The following ZNF518B variants were observed in gnomAD, a reference collection of about 807,000 sequenced individuals.
ZNF518B encodes zinc finger protein 518B.
In ZNF518B, 23 loss-of-function variants were observed where a neutral mutation model predicts 56.3. The observed-to-expected ratio is 0.41, with a 90% CI of 0.29 to 0.58. The LOEUF is 0.58. Ranked by LOEUF, ZNF518B falls within the 20% of genes least tolerant of loss-of-function variation. The pLI, the probability that ZNF518B is intolerant of heterozygous loss-of-function variation, is 0.32. For missense variants in ZNF518B, 1,460 were observed against 1,272.1 expected, an observed-to-expected ratio of 1.15 and a Z score of -2.25; for synonymous variants, 529 against 465.9, an observed-to-expected ratio of 1.14 and a Z score of -1.74.
chr4:10,442,196 C>A lies in ZNF518B; in HGVS notation c.*908G>T, dbSNP rs1714712381. 1 of 152,186 alleles carries A rather than the reference C, an allele frequency of 6.6e-6. No homozygotes were observed. The highest frequency in any genetic ancestry group is 2.1e-4 in the South Asian group (1 of 4,816). 9.4% of individuals were successfully genotyped at this position (152,186 alleles called of 1,614,324 possible). On this transcript the variant is annotated 3_prime_UTR_variant, in exon 3 of 3. Transcript: ENST00000326756. The stretch of plus-strand genomic sequence containing the variant: ...AATGAAAACTAAAGGGCATATGAAA[C>A]CCTTTTCACAACTTTATGAGCCTAC...
upstream of ZNF518B, among the ~76,000 whole-genome samples, chr4:10,459,651 G>A (rs929879438): frequency 6.6e-6 from 1 of 152,142 alleles, no homozygotes; most frequent in Non-Finnish European, 1.5e-5. Context: ...GTGAAGAGAC[G>A]CAGAGAAGAA....
rs1231609530 is a variant in ZNF518B, at chr4:10,446,379, T to C, written c.-51A>G. 19 of 1,545,294 alleles carry C rather than the reference T, an allele frequency of 1.2e-5. No homozygotes were observed. Among genetic ancestry groups the C allele is most frequent in the Non-Finnish European group, 1.6e-5 (18 of 1,129,558 alleles). On this transcript the variant is annotated 5_prime_UTR_variant, in exon 3 of 3. The change abolishes an upstream ATG in the 5' untranslated region. Transcript: ENST00000326756. ...AACTAAAATTCAGAAAGTTTTCACA[T>C]GATAAAATCCTTAGGAGATATCCTT...
At chr4:10,449,176 G>C (rs1054113565) in intron 2 of ZNF518B, among the ~76,000 whole-genome samples, 9 of 152,192 alleles carry the variant, frequency 5.9e-5, no homozygotes, top group African/African-American at 2.2e-4. Flanking sequence ...GTGATAAGGG[G>C]GATCTGGTCC....
rs747635761 is a variant in ZNF518B, at chr4:10,443,926, A to C, written c.2403T>G (p.Pro801=). ...GTTTTATTAACTGTCTTTCACTGCA[A>C]GGTATGCTGACAGGTGCTTCACATG... ...EATCEAPVSI[P]CSERQLIKPV... The change falls in exon 3 of 3, where the codon CCT becomes CCG. Residue 801 remains proline, a synonymous_variant. Transcript: ENST00000326756. 4 of 1,614,208 alleles carry C rather than the reference A, an allele frequency of 2.5e-6. No homozygotes were observed. The highest frequency in any genetic ancestry group is 1.7e-5 in the Admixed American group (1 of 60,024).
chr4:10,442,954 C>CA lies in ZNF518B; in HGVS notation c.*149dup. 1 of 699,998 alleles carries CA rather than the reference C, an allele frequency of 1.4e-6. No homozygotes were observed. The allele number at this position is 699,998 out of a possible 1,614,324, so 43.4% of individuals were successfully genotyped here. The stretch of plus-strand genomic sequence containing the variant: ...GGGGTCCAATCACATACTTCAGGTT[C>CA]AGACTCCTAGCTCCCAATATTCCTA... On this transcript the variant is annotated 3_prime_UTR_variant, in exon 3 of 3. Coordinates refer to ENST00000326756, the MANE Select transcript of ZNF518B (RefSeq NM_053042.3).
Position 10,440,287 on chromosome 4 carries a change from GGTT to G in ZNF518B, c.*2814_*2816del, listed in dbSNP as rs1714615126. 2.2e-5 allele frequency: 2 copies of G among 92,902 alleles called. No homozygotes were observed. The highest frequency in any genetic ancestry group is 1.0e-4 in the Admixed American group (1 of 9,696). The allele number at this position is 92,902 out of a possible 1,614,324, so 5.8% of individuals were successfully genotyped here. ...GTCTATCAGAGTATACTTTGGGTCAGGTTTTTTTTTTTTAACTTTTACTGTATT... is the reference window on the plus strand; with the variant it reads ...GTCTATCAGAGTATACTTTGGGTCAGTTTTTTTTTTAACTTTTACTGTATT... On this transcript the variant is annotated 3_prime_UTR_variant, in exon 3 of 3. Transcript: ENST00000326756.
At position 10,446,503 on chromosome 4, in the gene ZNF518B, TA is replaced by T. The variant is rs2108989158; in HGVS notation, c.-176del. The T allele has an allele frequency of 1.7e-6, 1 of 573,394 alleles. No homozygotes were observed. Among genetic ancestry groups the T allele is most frequent in the Non-Finnish European group, 3.1e-6 (1 of 323,380 alleles). 35.5% of individuals were successfully genotyped at this position (573,394 alleles called of 1,614,324 possible). ...CCGCAGTAGGTGCATGATCCCAAAA[TA>T]TGACTGCTTTCAGCTCTCTGACATT... is the stretch of plus-strand genomic sequence containing the variant. On this transcript the variant is annotated 5_prime_UTR_variant, in exon 3 of 3. The change abolishes the stop of an existing upstream ORF in the 5' untranslated region. Coordinates refer to ENST00000326756, the MANE Select transcript of ZNF518B (RefSeq NM_053042.3).
upstream of ZNF518B, among the ~76,000 whole-genome samples, chr4:10,460,469 C>T (rs191291364): frequency 1.3e-4 from 20 of 152,028 alleles, no homozygotes; most frequent in African/African-American, 3.4e-4. Flanking sequence ...AATGCAATGA[C>T]GGGGACTTGG....
rs373211745 is a variant in ZNF518B, at chr4:10,443,966, T to C, written c.2363A>G (p.His788Arg). The C allele has an allele frequency of 1.2e-6, 2 of 1,614,104 alleles. No homozygotes were observed. The highest frequency in any genetic ancestry group is 2.7e-5 in the African/African-American group (2 of 74,954). The stretch of plus-strand genomic sequence containing the variant: ...TGCTTCACATGTAGCCTCTATGATG[T>C]GGGCATTCTCAGAGGAATTAAGAAC... ...LRVLNSSENA[H>R]IIEATCEAPV... is the part of the protein sequence containing the mutation. The change falls in exon 3 of 3, where the codon CAC becomes CGC. Residue 788 changes from histidine to arginine, a missense_variant. Transcript: ENST00000326756.
At position 10,444,528 on chromosome 4, in the gene ZNF518B, T is replaced by G. The variant is rs2108985470; in HGVS notation, c.1801A>C (p.Asn601His). 1 of 1,614,142 alleles carries G rather than the reference T, an allele frequency of 6.2e-7. No individual in the cohort carries two copies. Among genetic ancestry groups the G allele is most frequent in the East Asian group, 2.2e-5 (1 of 44,888 alleles). The change falls in exon 3 of 3, where the codon AAC (asparagine) becomes CAC (histidine). Residue 601 changes from asparagine (N) to histidine (H), a missense_variant. Transcript: ENST00000326756. ...TGAGATCTATCTTCTCCAGTTATGT[T>G]TATATGTAAATACTCACTCTTATGT... ...SQHKSEYLHI[N>H]ITGEDRSQQP...
upstream of ZNF518B, among the ~76,000 whole-genome samples, chr4:10,460,321 AAACC>A (rs57778008): frequency 8.3e-3 from 733 of 88,176 alleles, 143 homozygotes; most frequent in African/African-American, 0.079. Context: ...AAAAAAAAAA[AAACC>A]AAAAAAAAAA....
In ZNF518B at chr4:10,445,676, G is replaced by A. The variant is rs752982266; in HGVS notation, c.653C>T (p.Ala218Val). 23 of 1,613,926 alleles carry A rather than the reference G, an allele frequency of 1.4e-5. No homozygotes were observed. The East Asian group carries it at 2.2e-4, about 16-fold the overall frequency. The change falls in exon 3 of 3, where the codon GCG becomes GTG. Residue 218 changes from alanine to valine, a missense_variant. Physicochemically the swap from Ala to Val is moderately conservative, Grantham distance 64. Coordinates refer to ENST00000326756, the MANE Select transcript of ZNF518B (RefSeq NM_053042.3). Reference protein sequence around the residue: ...HTKRVHERAGAKRPVKAVAKL... With the variant: ...HTKRVHERAGVKRPVKAVAKL... ...GGCAACAGCTTTGACTGGCCGTTTCGCACCTGCCCTTTCATGTACTCTCTT... is the reference window on the plus strand; with the variant it reads ...GGCAACAGCTTTGACTGGCCGTTTCACACCTGCCCTTTCATGTACTCTCTT...
chr4:10,445,592 G>A lies in ZNF518B; in HGVS notation c.737C>T (p.Ser246Phe). The change falls in exon 3 of 3, where the codon TCC (serine) becomes TTC (phenylalanine). Residue 246 changes from serine (S) to phenylalanine (F), a missense_variant. Coordinates refer to ENST00000326756, the MANE Select transcript of ZNF518B (RefSeq NM_053042.3). ...ATTTTGAAATGTAGTCCGTGGATTG[G>A]AAGCTTTTAGAAGCTCTGGGTTTTG... Reference protein sequence around the residue: ...SKQNPELLKASNPRTTFQNKW... With the variant: ...SKQNPELLKAFNPRTTFQNKW... 2 of 1,614,148 alleles carry A rather than the reference G, an allele frequency of 1.2e-6. No homozygotes were observed. The highest frequency in any genetic ancestry group is 1.7e-6 in the Non-Finnish European group (2 of 1,180,038).
rs142943850 is a variant in ZNF518B, at chr4:10,444,657, T to G, written c.1672A>C (p.Lys558Gln). Residue 558 changes from lysine (K) to glutamine (Q), a missense_variant, in exon 3 of 3, where the codon AAA (lysine) becomes CAA (glutamine). Coordinates refer to ENST00000326756, the MANE Select transcript of ZNF518B (RefSeq NM_053042.3). Reference sequence around the variant, plus strand: ...ACCACTTTTACAGGAATATTGACTTTACTTGTAGATTCCAAGTCATTTTCA... The same window carrying G: ...ACCACTTTTACAGGAATATTGACTTGACTTGTAGATTCCAAGTCATTTTCA... ...VSENDLESTS[K>Q]VNIPVKVVSS... is the part of the protein sequence containing the mutation. 1.3e-4 allele frequency: 210 copies of G among 1,614,226 alleles called. No homozygotes were observed. Among genetic ancestry groups the G allele is most frequent in the South Asian group, 5.3e-4 (48 of 91,078 alleles).
chr4:10,443,462 A>G lies in ZNF518B; in HGVS notation c.2867T>C (p.Val956Ala). The change falls in exon 3 of 3, where the codon GTG becomes GCG. Residue 956 changes from valine to alanine, a missense_variant. Physicochemically the swap from Val to Ala is moderately conservative, Grantham distance 64 (BLOSUM62 0). Coordinates refer to ENST00000326756, the MANE Select transcript of ZNF518B (RefSeq NM_053042.3). ...LNHPDVDSPE[V>A]TNVMKVINKY... ...ATTTATTACCTTCATCACATTGGTC[A>G]CTTCTGGCGAGTCCACATCAGGGTG... 1.2e-6 allele frequency: 2 copies of G among 1,614,170 alleles called. No homozygotes were observed. The highest frequency in any genetic ancestry group is 1.7e-6 in the Non-Finnish European group (2 of 1,180,026).
rs780176262 is a variant in ZNF518B at position 10,446,002 on chromosome 4, A to C, written c.327T>G (p.His109Gln). ...HFVSNNSSAT[H>Q]VGNKTENFSS... The stretch of plus-strand genomic sequence containing the variant: ...AGAAGTTTTCAGTTTTATTTCCAAC[A>C]TGAGTCGCACTGGAATTATTGCTCA... Residue 109 changes from histidine to glutamine, a missense_variant, in exon 3 of 3, where the codon CAT (histidine) becomes CAG (glutamine). Physicochemically the swap from His to Gln is conservative, Grantham distance 24 (BLOSUM62 0). Coordinates refer to ENST00000326756, the MANE Select transcript of ZNF518B (RefSeq NM_053042.3). 1.9e-6 allele frequency: 3 copies of C among 1,614,072 alleles called. No individual in the cohort carries two copies. Among genetic ancestry groups the C allele is most frequent in the Non-Finnish European group, 2.5e-6 (3 of 1,180,048 alleles).
Position 10,443,095 on chromosome 4 carries a change from A to G in ZNF518B, c.*9T>C. On this transcript the variant is annotated 3_prime_UTR_variant, in exon 3 of 3. Coordinates refer to ENST00000326756, the MANE Select transcript of ZNF518B (RefSeq NM_053042.3). ...AAAAGATAACTTGCTTTAAAGAGTA[A>G]CTGTTTACTTATTTGCCCTTGGAGG... 2 of 1,603,020 alleles carry G rather than the reference A, an allele frequency of 1.2e-6. No individual in the cohort carries two copies. The highest frequency in any genetic ancestry group is 1.7e-6 in the Non-Finnish European group (2 of 1,174,944).
intron 2 of ZNF518B, among the ~76,000 whole-genome samples, chr4:10,450,000 G>A (rs1260911814): frequency 6.6e-6 from 1 of 152,132 alleles, no homozygotes; most frequent in Non-Finnish European, 1.5e-5. Context: ...CTAAATACTT[G>A]AAAATCTGAG....
chr4:10,447,311 T>G (rs1715102061), intron 2 of ZNF518B, among the ~76,000 whole-genome samples: 1 of 151,602 alleles, frequency 6.6e-6, no homozygotes, highest in East Asian at 1.9e-4. Flanking sequence ...CGGGGCTGGG[T>G]GTGGAGGTGA....
Sources: allele counts gnomAD v4.1 joint callset (sites outside exome capture counted in the v4.1 genomes callset), GRCh38; gene constraint gnomAD v4.1.1; transcripts MANE v1.5; gene names NCBI Gene and HGNC (gene_info 2026-07-23, HGNC 2026-07-21).